The following FAM220A variants were observed in gnomAD, a reference collection of about 807,000 sequenced individuals.
The protein encoded by FAM220A is protein FAM220A.
For synonymous variants in FAM220A, 141 were observed against 130.7 expected, an observed-to-expected ratio of 1.08 and a Z score of -0.54; for missense variants, 392 against 321.6, an observed-to-expected ratio of 1.22 and a Z score of -1.68.
Position 6,348,918 on chromosome 7 carries a change from G to A in FAM220A, c.-427C>T, listed in dbSNP as rs987128226. On this transcript the variant is annotated 5_prime_UTR_variant, in exon 1 of 2. Transcript: ENST00000313324. ...GAGCGGAGTCCGCACGTCACGCTCG[G>A]AGAAGTGCCTCCGCGAGCAGCCGCC... The A allele has an allele frequency of 2.9e-5, 11 of 385,154 alleles. No homozygotes were observed. The highest frequency in any genetic ancestry group is 1.5e-4 in the African/African-American group (7 of 48,082). 23.9% of individuals were successfully genotyped at this position (385,154 alleles called of 1,614,324 possible).
At chr7:6,346,611 G>A (rs1474714495) in intron 1 of FAM220A, among the ~76,000 whole-genome samples, 1 of 152,116 alleles carries the variant, frequency 6.6e-6, no homozygotes, top group Non-Finnish European at 1.5e-5. Flanking sequence ...AAACTCCTGA[G>A]CTTAAGCGAC....
intron 1 of FAM220A, among the ~76,000 whole-genome samples, chr7:6,338,086 G>A (rs1358539742): frequency 6.6e-6 from 1 of 152,180 alleles, no homozygotes; most frequent in Non-Finnish European, 1.5e-5. Flanking sequence ...TTACAGGCGT[G>A]AGCCACTATG....
chr7:6,344,148 GAA>G (rs559497571), intron 1 of FAM220A, among the ~76,000 whole-genome samples: 3 of 120,166 alleles, frequency 2.5e-5, no homozygotes, highest in Non-Finnish European at 3.6e-5. Context: ...TGAAGAACAA[GAA>G]AAAAAAAAAA....
intron 1 of FAM220A, among the ~76,000 whole-genome samples, chr7:6,342,375 ACT>A (rs1230288262): frequency 6.6e-6 from 1 of 150,896 alleles, no homozygotes; most frequent in Admixed American, 6.6e-5. Flanking sequence ...CAAAACCCCG[ACT>A]CTACTAAAAA....
intron 1 of FAM220A, among the ~76,000 whole-genome samples, chr7:6,332,059 C>T (rs938670303): frequency 6.6e-6 from 1 of 150,452 alleles, no homozygotes; most frequent in Non-Finnish European, 1.5e-5. Flanking sequence ...TAGCTGTGAG[C>T]CGAGATCATG....
At chr7:6,339,746 C>T (rs149094690) in intron 1 of FAM220A, among the ~76,000 whole-genome samples, 4,594 of 152,184 alleles carry the variant, frequency 0.03, 215 homozygotes, top group African/African-American at 0.1. Flanking sequence ...GCTGGGATTA[C>T]AGGCAAGAGC....
intron 1 of FAM220A, among the ~76,000 whole-genome samples, chr7:6,345,796 T>TC (rs1781941319): frequency 6.6e-6 from 1 of 151,984 alleles, no homozygotes; most frequent in Non-Finnish European, 1.5e-5. Flanking sequence ...TGAGACAGAG[T>TC]CTCGCTGTGT....
At chr7:6,334,070 T>A (rs1583236792) in intron 1 of FAM220A, among the ~76,000 whole-genome samples, 1 of 151,060 alleles carries the variant, frequency 6.6e-6, no homozygotes, top group East Asian at 2.0e-4. Flanking sequence ...ATGGAATCTA[T>A]CTCCTGACCT....
chr7:6,332,961 C>T (rs1047693040), intron 1 of FAM220A, among the ~76,000 whole-genome samples: 1 of 152,026 alleles, frequency 6.6e-6, no homozygotes. Context: ...GAGTTCGAGA[C>T]AAGCATGGTC....
intron 1 of FAM220A, among the ~76,000 whole-genome samples, chr7:6,333,291 G>A (rs913425388): frequency 1.3e-5 from 2 of 152,130 alleles, no homozygotes; most frequent in African/African-American, 4.8e-5. Context: ...ATGTCACAGG[G>A]AGCCGGTGAT....
At chr7:6,332,543 C>T (rs775517764) in intron 1 of FAM220A, among the ~76,000 whole-genome samples, 6 of 152,186 alleles carry the variant, frequency 3.9e-5, no homozygotes, top group Non-Finnish European at 5.9e-5. Flanking sequence ...CTCAGCCAGG[C>T]GTGGTGGCTC....
rs1224925473 is a variant in FAM220A, at chr7:6,331,201, G to A, written c.-47C>T. ...TGGGCCTGAGGTCACGCCTTCGTCAGTCTGGGAGGGCCTTCAATGGATCTC... is the reference window on the plus strand; with the variant it reads ...TGGGCCTGAGGTCACGCCTTCGTCAATCTGGGAGGGCCTTCAATGGATCTC... On this transcript the variant is annotated 5_prime_UTR_variant, in exon 2 of 2. Coordinates refer to ENST00000313324, the MANE Select transcript of FAM220A (RefSeq NM_001037163.2). The A allele has an allele frequency of 1.3e-6, 2 of 1,552,604 alleles. No individual in the cohort carries two copies. Among genetic ancestry groups the A allele is most frequent in the Non-Finnish European group, 1.7e-6 (2 of 1,149,396 alleles).
At chr7:6,346,038 G>A (rs1320845387) in intron 1 of FAM220A, among the ~76,000 whole-genome samples, 1 of 152,022 alleles carries the variant, frequency 6.6e-6, no homozygotes, top group Non-Finnish European at 1.5e-5. Context: ...CAATATACTG[G>A]GATTACAGGC....
intron 1 of FAM220A, 22 bp downstream of exon 1, chr7:6,348,551 C>T: frequency 2.3e-6 from 1 of 427,520 alleles, no homozygotes; most frequent in South Asian, 5.8e-5. Flanking sequence ...GGCCGGGGGC[C>T]GGGCAGGCAC....
intron 1 of FAM220A, among the ~76,000 whole-genome samples, chr7:6,336,607 C>T (rs1417833317): frequency 6.6e-6 from 1 of 151,860 alleles, no homozygotes; most frequent in Non-Finnish European, 1.5e-5. Context: ...TCACTTGAGC[C>T]CAGGAAGCAG....
rs1781621307 is a variant in FAM220A, at chr7:6,330,966, C to T, written c.189G>A (p.Leu63=). ...DGNSQSEALS[L]EMRKDPSGAG... is the part of the protein sequence containing the mutation. Reference sequence around the variant, plus strand: ...CCCCGCTCGGATCCTTTCTCATTTCCAGTGATAATGCCTCACTTTGTGAAT... The same window carrying T: ...CCCCGCTCGGATCCTTTCTCATTTCTAGTGATAATGCCTCACTTTGTGAAT... The change falls in exon 2 of 2, where the codon CTG becomes CTA. Residue 63 remains leucine, a synonymous_variant. Coordinates refer to ENST00000313324, the MANE Select transcript of FAM220A (RefSeq NM_001037163.2). The T allele has an allele frequency of 6.2e-7, 1 of 1,614,252 alleles. No homozygotes were observed.
At chr7:6,337,588 T>A (rs1041567910) in intron 1 of FAM220A, among the ~76,000 whole-genome samples, 1 of 137,152 alleles carries the variant, frequency 7.3e-6, no homozygotes, top group Non-Finnish European at 1.6e-5. Flanking sequence ...AGTACCATTA[T>A]TTTTTTTCAT....
rs376671179 is a variant in FAM220A, at chr7:6,331,770, C to T, written c.-81-535G>A. 5.3e-4 allele frequency among the ~76,000 whole-genome samples: 66 copies of T among 123,924 alleles called. 1 individual carries two copies. The highest frequency in any genetic ancestry group is 1.8e-3 in the African/African-American group (61 of 34,560). 81.3% of individuals were successfully genotyped at this position (123,924 alleles called of 152,430 possible). A position where few individuals can be genotyped will look rare whatever the true frequency, so the allele number is the denominator to read the frequency against. On this transcript the variant is annotated intron_variant, in intron 1 of 1. Transcript: ENST00000313324. ...TTTTTTTTTTTTTGAGATGGCGTTT[C>T]GCTCTTTTTGCCTAGGCTGGAGTGC... is the stretch of plus-strand genomic sequence containing the variant.
At chr7:6,347,822 G>C (rs1456079115) in intron 1 of FAM220A, among the ~76,000 whole-genome samples, 1 of 151,320 alleles carries the variant, frequency 6.6e-6, no homozygotes, top group Non-Finnish European at 1.5e-5. Context: ...GGGAGGCCAA[G>C]ATGGGAGGAT....
Sources: gnomAD v4.1 joint callset for allele counts (sites outside exome capture counted in the v4.1 genomes callset) on GRCh38, gnomAD v4.1.1 for gene constraint, MANE v1.5 for transcripts, NCBI Gene and HGNC (gene_info 2026-07-23, HGNC 2026-07-21) for gene names.